Variants in KCTD16 observed in about 807,000 individuals in gnomAD.
KCTD16 encodes BTB/POZ domain-containing protein KCTD16.
Under a neutral mutation model 33.2 loss-of-function variants are expected in KCTD16, and 13 were observed. The observed-to-expected ratio is 0.39, with a 90% CI of 0.25 to 0.62. The LOEUF is 0.62. KCTD16 is among the 20% of genes least tolerant of loss of function. The probability of loss-of-function intolerance (pLI) is 0.50; values close to 1 mark genes in which losing one functional copy is unlikely to be tolerated. For missense variants in KCTD16, 441 were observed against 525.1 expected (o/e 0.84, Z 1.57); for synonymous variants, 197 against 195.3 (o/e 1.01, Z -0.07).
chr5:144,306,776 A>G (rs1751613227), intron 3 of KCTD16, among the ~76,000 whole-genome samples: 1 of 152,318 alleles, frequency 6.6e-6, no homozygotes, highest in South Asian at 2.1e-4. Context: ...TTCATTGCTA[A>G]CAAACCTTTC....
intron 3 of KCTD16, among the ~76,000 whole-genome samples, chr5:144,330,097 A>G (rs901991908): frequency 3.3e-5 from 5 of 152,078 alleles, no homozygotes; most frequent in Non-Finnish European, 7.4e-5. Context: ...TACATTCCAC[A>G]TGGATAGTTC....
intron 3 of KCTD16, among the ~76,000 whole-genome samples, chr5:144,422,440 T>A (rs1753232103): frequency 6.6e-6 from 1 of 152,206 alleles, no homozygotes. Flanking sequence ...CCCCTATTTG[T>A]GTGAAAAATA....
intron 3 of KCTD16, among the ~76,000 whole-genome samples, chr5:144,379,267 C>T (rs1346012234): frequency 6.6e-6 from 1 of 152,116 alleles, no homozygotes; most frequent in Non-Finnish European, 1.5e-5. Context: ...GAGGGAGTCT[C>T]TTTTCATATT....
chr5:144,465,346 T>C (rs527722469), intron 3 of KCTD16, among the ~76,000 whole-genome samples: 1 of 152,232 alleles, frequency 6.6e-6, no homozygotes, highest in Admixed American at 6.5e-5. Context: ...GCTTTTTAAT[T>C]CCTTTTCCCA....
At chr5:144,174,071 G>A (rs1168261814) in intron 1 of KCTD16, among the ~76,000 whole-genome samples, 1 of 152,114 alleles carries the variant, frequency 6.6e-6, no homozygotes, top group Non-Finnish European at 1.5e-5. Flanking sequence ...GGCAACATGA[G>A]CTAGACTTGT....
chr5:144,254,970 G>A (rs1754807417), intron 3 of KCTD16, among the ~76,000 whole-genome samples: 1 of 151,928 alleles, frequency 6.6e-6, no homozygotes, highest in Non-Finnish European at 1.5e-5. Flanking sequence ...TCACTATATT[G>A]TCCAGGCTGG....
chr5:144,206,193 T>C (rs1753165063), intron 2 of KCTD16, among the ~76,000 whole-genome samples, 196 bp from the exon 3 acceptor site: 1 of 152,178 alleles, frequency 6.6e-6, no homozygotes, highest in South Asian at 2.1e-4. Context: ...GATAAACATG[T>C]AGGCACAAAA....
At chr5:144,205,402 A>G (rs950139947) in intron 2 of KCTD16, 5 of 397,744 alleles carry the variant, frequency 1.3e-5, no homozygotes, top group African/African-American at 1.0e-4. Context: ...TCCGAACTGC[A>G]CTGGGAACTG....
Position 144,441,641 on chromosome 5 carries a change from T to G in KCTD16, c.833-32019T>G, listed in dbSNP as rs77884130. ...AGAATCAGTGACTATAGATATAAGGTTTTACTTCTGAATTCTCAGTCGTAT... is the reference window on the plus strand; with the variant it reads ...AGAATCAGTGACTATAGATATAAGGGTTTACTTCTGAATTCTCAGTCGTAT... On this transcript the variant is annotated intron_variant, in intron 3 of 3. Coordinates refer to ENST00000512467, the MANE Select transcript of KCTD16 (RefSeq NM_020768.4). 5.2e-3 allele frequency among the ~76,000 whole-genome samples: 789 copies of G among 152,194 alleles called. 7 individuals are homozygous for G. Among genetic ancestry groups the G allele is most frequent in the African/African-American group, 0.018 (758 of 41,552 alleles).
chr5:144,256,583 G>A (rs1318148071), intron 3 of KCTD16, among the ~76,000 whole-genome samples: 2 of 150,572 alleles, frequency 1.3e-5, no homozygotes, highest in Non-Finnish European at 3.0e-5. Context: ...ACTAGTAGCT[G>A]ATACCTCCAG....
intron 3 of KCTD16, among the ~76,000 whole-genome samples, chr5:144,322,224 T>C (rs1250492913): frequency 6.6e-6 from 1 of 152,142 alleles, no homozygotes; most frequent in African/African-American, 2.4e-5. Context: ...GAAGAGAATG[T>C]CGTGGACACC....
At chr5:144,222,245 C>G (rs1182773586) in intron 3 of KCTD16, among the ~76,000 whole-genome samples, 1 of 151,794 alleles carries the variant, frequency 6.6e-6, no homozygotes, top group African/African-American at 2.4e-5. Context: ...TAGAGAGTTG[C>G]AAAAGCATTT....
At chr5:144,443,200 T>A (rs1487875868) in intron 3 of KCTD16, among the ~76,000 whole-genome samples, 3 of 152,108 alleles carry the variant, frequency 2.0e-5, no homozygotes, top group Non-Finnish European at 4.4e-5. Context: ...TATAAACTTC[T>A]CTAATGGGGT....
intron 3 of KCTD16, among the ~76,000 whole-genome samples, chr5:144,437,114 G>A (rs1753596839): frequency 6.6e-6 from 1 of 152,120 alleles, no homozygotes; most frequent in Non-Finnish European, 1.5e-5. Context: ...GTCCTCAACA[G>A]GCTAGGCCAC....
intron 3 of KCTD16, among the ~76,000 whole-genome samples, chr5:144,348,023 G>C (rs1752851638): frequency 6.6e-6 from 1 of 152,172 alleles, no homozygotes; most frequent in Non-Finnish European, 1.5e-5. Context: ...GCCTAACCTA[G>C]TTTCTGCATG....
At chr5:144,376,740 G>A (rs1260237234) in intron 3 of KCTD16, among the ~76,000 whole-genome samples, 1 of 152,112 alleles carries the variant, frequency 6.6e-6, no homozygotes, top group Non-Finnish European at 1.5e-5. Context: ...AATATTCTTG[G>A]ACTGTTTGGC....
rs1449403412 is a variant in KCTD16, at chr5:144,477,347, G to A, written c.*3233G>A. On this transcript the variant is annotated 3_prime_UTR_variant, in exon 4 of 4. Transcript: ENST00000512467. ...TTATCTTACTGAAAATGCATGCATG[G>A]TGAATTAAAATAAAAGGGGGAACAA... 1 of 152,124 alleles carries A rather than the reference G, an allele frequency of 6.6e-6. No homozygotes were observed. Among genetic ancestry groups the A allele is most frequent in the Non-Finnish European group, 1.5e-5 (1 of 68,010 alleles). The allele number at this position is 152,124 out of a possible 1,614,324, so 9.4% of individuals were successfully genotyped here. A position where few individuals can be genotyped will look rare whatever the true frequency, so the allele number is the denominator to read the frequency against.
intron 3 of KCTD16, among the ~76,000 whole-genome samples, chr5:144,346,687 C>A (rs565221845): frequency 4.7e-4 from 71 of 152,202 alleles, no homozygotes; most frequent in African/African-American, 1.7e-3. Flanking sequence ...ATCTTTTGAC[C>A]ATTTTTGATT....
At chr5:144,277,851 T>C (rs1755480737) in intron 3 of KCTD16, among the ~76,000 whole-genome samples, 1 of 152,224 alleles carries the variant, frequency 6.6e-6, no homozygotes. Context: ...TTAAAAACTT[T>C]TATCTAGTTT....
Sources: allele counts gnomAD v4.1 joint callset (sites outside exome capture counted in the v4.1 genomes callset), GRCh38; gene constraint gnomAD v4.1.1; transcripts MANE v1.5; gene names NCBI Gene and HGNC (gene_info 2026-07-23, HGNC 2026-07-21).